NR3C1: variants seen among roughly 807,000 people sequenced by gnomAD.
The protein encoded by NR3C1 is glucocorticoid receptor.
NR3C1 carries 14 observed loss-of-function variants against 74.0 expected under a neutral mutation model. The ratio of observed to expected loss-of-function variants is 0.19; its 90% CI spans 0.12 to 0.30. The LOEUF (loss-of-function observed/expected upper bound fraction) is 0.30. Ranked by LOEUF, NR3C1 falls within the 10% of genes least tolerant of loss-of-function variation. The pLI is 1.00. For missense variants in NR3C1, 695 were observed against 909.8 expected (o/e 0.76, Z 3.04); for synonymous variants, 308 against 332.5 (o/e 0.93, Z 0.80).
At chr5:143,347,896 T>C (rs377010385) in intron 2 of NR3C1, among the ~76,000 whole-genome samples, 1 of 152,346 alleles carries the variant, frequency 6.6e-6, no homozygotes, top group East Asian at 1.9e-4. Flanking sequence ...CCAGTCTGCC[T>C]TTCCAAAACG....
upstream of NR3C1, chr5:143,403,951 G>T (rs1294263108): frequency 1.0e-6 from 1 of 984,820 alleles, no homozygotes; most frequent in Non-Finnish European, 1.2e-6. Flanking sequence ...AACTCCCCAG[G>T]AAAAAGGGTG....
At chr5:143,406,482 A>T (rs1841118402), upstream of NR3C1, among the ~76,000 whole-genome samples, 1 of 151,574 alleles carries the variant, frequency 6.6e-6, no homozygotes, top group African/African-American at 2.4e-5. Flanking sequence ...TTAATTTGAT[A>T]GCAAAAAAAT....
rs1812806614 is a variant in NR3C1 at position 143,279,619 on chromosome 5, A to G, written c.*2270T>C. 2 of 460,614 alleles carry G rather than the reference A, an allele frequency of 4.3e-6. No homozygotes were observed. Among genetic ancestry groups the G allele is most frequent in the Non-Finnish European group, 7.4e-6 (2 of 270,824 alleles). The allele number at this position is 460,614 out of a possible 1,614,324, so 28.5% of individuals were successfully genotyped here. A position where few individuals can be genotyped will look rare whatever the true frequency, so the allele number is the denominator to read the frequency against. ...AAATAATTTCTCCAAAATACTGAAA[A>G]TAACAAATAACATTCAAAAAGCATT... On this transcript the variant is annotated 3_prime_UTR_variant, in exon 9 of 9. Transcript: ENST00000394464.
chr5:143,307,586 A>G (rs1819911410), intron 4 of NR3C1, among the ~76,000 whole-genome samples: 1 of 152,206 alleles, frequency 6.6e-6, no homozygotes, highest in African/African-American at 2.4e-5. Context: ...ACCACAATAT[A>G]TTAGAGATAC....
chr5:143,281,478 CA>C lies in NR3C1; in HGVS notation c.*410del, dbSNP rs72542759. On this transcript the variant is annotated 3_prime_UTR_variant, in exon 9 of 9. Coordinates refer to ENST00000394464, the MANE Select transcript of NR3C1 (RefSeq NM_000176.3). ...AATCAAAAATGCTATCCTAACTATA[CA>C]GGGGGGGGATACACCAACAGAAAGT... is the stretch of plus-strand genomic sequence containing the variant. The C allele has an allele frequency of 3.0e-3, 645 of 212,882 alleles. 4 individuals are homozygous for C. Among genetic ancestry groups the C allele is most frequent in the African/African-American group, 0.013 (548 of 42,282 alleles). 13.2% of individuals were successfully genotyped at this position (212,882 alleles called of 1,614,324 possible).
At chr5:143,377,283 C>T (rs1600404287) in intron 2 of NR3C1, among the ~76,000 whole-genome samples, 1 of 152,010 alleles carries the variant, frequency 6.6e-6, no homozygotes, top group African/African-American at 2.4e-5. Context: ...TCCCCCCACA[C>T]AAAAAAAGGC....
chr5:143,318,477 A>G (rs921909946), intron 2 of NR3C1, among the ~76,000 whole-genome samples: 2 of 152,164 alleles, frequency 1.3e-5, no homozygotes, highest in Admixed American at 6.6e-5. Flanking sequence ...TCACTGAGTT[A>G]TGCAGATCTT....
At chr5:143,404,233 G>T (rs903875632), upstream of NR3C1, 5 of 985,406 alleles carry the variant, frequency 5.1e-6, no homozygotes, top group East Asian at 3.4e-4. Context: ...GTTGCGTGAA[G>T]TGTGTCACTT....
chr5:143,340,242 A>AGTGTT (rs1827923815), intron 2 of NR3C1, among the ~76,000 whole-genome samples: 1 of 152,298 alleles, frequency 6.6e-6, no homozygotes, highest in African/African-American at 2.4e-5. Flanking sequence ...AGAGATATAC[A>AGTGTT]GTGTTCCTGG....
At position 143,362,420 on chromosome 5, in the gene NR3C1, G is replaced by A. The variant is rs546210763; in HGVS notation, c.1184+37236C>T. On this transcript the variant is annotated intron_variant, in intron 2 of 8. Coordinates refer to ENST00000394464, the MANE Select transcript of NR3C1 (RefSeq NM_000176.3). ...CTGTCACCCAGGCTGGAGTGCAGTA[G>A]TGTGATCTCGGCTCACGGCAAGCTC... Among the ~76,000 whole-genome samples the A allele has an allele frequency of 5.3e-5, 8 of 151,354 alleles. No homozygotes were observed. The East Asian group carries it at 1.6e-3, about 29-fold the overall frequency.
chr5:143,434,879 T>C (rs1752038404), exon 1 of NR3C1: 11 of 985,234 alleles, frequency 1.1e-5, no homozygotes, highest in Non-Finnish European at 1.3e-5. Context: ...AACAAATAGC[T>C]ACCAACGATG....
In NR3C1 at chr5:143,279,018, C is replaced by T; in HGVS notation, c.*2871G>A. The T allele has an allele frequency of 3.6e-6, 1 of 281,056 alleles. No homozygotes were observed. Among genetic ancestry groups the T allele is most frequent in the South Asian group, 4.2e-5 (1 of 23,934 alleles). 17.4% of individuals were successfully genotyped at this position (281,056 alleles called of 1,614,324 possible). ...GTATCCCACAGAATACCTACAAACA[C>T]TAAAAATACTTTTCAGGATTTGTTG... On this transcript the variant is annotated 3_prime_UTR_variant, in exon 9 of 9. Coordinates refer to ENST00000394464, the MANE Select transcript of NR3C1 (RefSeq NM_000176.3).
exon 1 of NR3C1, chr5:143,434,822 A>G (rs1005536958): frequency 1.0e-6 from 1 of 985,342 alleles, no homozygotes; most frequent in African/African-American, 1.7e-5. Flanking sequence ...CTTAGATATG[A>G]CGCAGATTCC....
chr5:143,407,500 T>C (rs552368370), upstream of NR3C1: 1 of 152,348 alleles, frequency 6.6e-6, no homozygotes, highest in South Asian at 2.1e-4. Flanking sequence ...CATTTGTTAT[T>C]TCTCTGTATC....
At chr5:143,289,975 G>A (rs1447294561) in intron 7 of NR3C1, among the ~76,000 whole-genome samples, 3 of 152,116 alleles carry the variant, frequency 2.0e-5, no homozygotes, top group Non-Finnish European at 4.4e-5. Flanking sequence ...CAAGAGAGAT[G>A]AAATGTACAT....
Position 143,314,173 on chromosome 5 carries a change from A to C in NR3C1, c.1185-5T>G, listed in dbSNP as rs773787073. On this transcript the variant is annotated splice_polypyrimidine_tract_variant and splice_region_variant and intron_variant, in intron 2 of 8. Coordinates refer to ENST00000394464, the MANE Select transcript of NR3C1 (RefSeq NM_000176.3). ...ACATCTGGTCTCATGCTGGGGCTAA[A>C]GAAGGGGAAGAACAGTGTTATGATT... The C allele has an allele frequency of 1.2e-6, 2 of 1,613,440 alleles. No homozygotes were observed. Among genetic ancestry groups the C allele is most frequent in the Admixed American group, 1.7e-5 (1 of 59,922 alleles).
chr5:143,376,322 T>A (rs1835180900), intron 2 of NR3C1, among the ~76,000 whole-genome samples: 2 of 152,176 alleles, frequency 1.3e-5, no homozygotes, highest in Admixed American at 1.3e-4. Flanking sequence ...GTGGATAAAT[T>A]CTCATGTGAG....
chr5:143,404,079 C>G, upstream of NR3C1: 3 of 985,570 alleles, frequency 3.0e-6, no homozygotes, highest in South Asian at 9.4e-5. Context: ...CTCCGCGGCT[C>G]CAGACCCACT....
rs10071869 is a variant in NR3C1 at position 143,288,698 on chromosome 5, C to G, written c.2024-5973G>C. ...ATTTTGCCCAGGCTGGTCTCAAACT[C>G]CTGGGCTTAAGCGATCTGCCTGCCT... On this transcript the variant is annotated intron_variant, in intron 7 of 8. Coordinates refer to ENST00000394464, the MANE Select transcript of NR3C1 (RefSeq NM_000176.3). Among the ~76,000 whole-genome samples, 639 of 152,150 alleles carry G rather than the reference C, an allele frequency of 4.2e-3. 2 individuals carry two copies. The highest frequency in any genetic ancestry group is 0.015 in the African/African-American group (613 of 41,500).
Sources: allele counts gnomAD v4.1 joint callset (sites outside exome capture counted in the v4.1 genomes callset), GRCh38; gene constraint gnomAD v4.1.1; transcripts MANE v1.5; gene names NCBI Gene and HGNC (gene_info 2026-07-23, HGNC 2026-07-21).